SPATS2: variants seen among roughly 807,000 people sequenced by gnomAD.
SPATS2 encodes spermatogenesis-associated serine-rich protein 2.
SPATS2 carries 38 observed loss-of-function variants against 63.7 expected under a neutral mutation model. The ratio of observed to expected loss-of-function variants is 0.60; its 90% CI spans 0.46 to 0.78. The LOEUF (loss-of-function observed/expected upper bound fraction) is 0.78, where lower values mean the gene tolerates loss of function less well. Ranked by LOEUF, SPATS2 falls within the 30% of genes least tolerant of loss-of-function variation. The pLI, the probability that SPATS2 is intolerant of heterozygous loss-of-function variation, is 0.00. For missense variants in SPATS2, 588 were observed against 666.2 expected, an observed-to-expected ratio of 0.88 and a Z score of 1.29; for synonymous variants, 207 against 232.9, an observed-to-expected ratio of 0.89 and a Z score of 1.01.
rs191311034 is a variant in SPATS2 at position 49,449,239 on chromosome 12, A to G, written c.-243-11531A>G. Among the ~76,000 whole-genome samples the G allele has an allele frequency of 4.7e-4, 72 of 152,236 alleles. No homozygotes were observed. In the South Asian group the frequency reaches 0.012, roughly 26 times the overall value. ...TGTTTGTTTGTTTGTTTTCTGAGGC[A>G]GAGTCTCGCTCTGTCGCCCAAGCTG... is the stretch of plus-strand genomic sequence containing the variant. On this transcript the variant is annotated intron_variant, in intron 2 of 13. Transcript: ENST00000552918.
intron 2 of SPATS2, among the ~76,000 whole-genome samples, chr12:49,424,265 T>C (rs954101523): frequency 5.3e-5 from 8 of 152,154 alleles, no homozygotes; most frequent in African/African-American, 1.7e-4. Flanking sequence ...ACTTCAGTGA[T>C]ACTCAGACCT....
chr12:49,420,348 A>G (rs1006432991), intron 2 of SPATS2, among the ~76,000 whole-genome samples: 20 of 152,126 alleles, frequency 1.3e-4, no homozygotes, highest in African/African-American at 4.8e-4. Flanking sequence ...AATCCCAGCA[A>G]TTTGGGAGGC....
chr12:49,457,701 G>A (rs561675641), intron 2 of SPATS2, among the ~76,000 whole-genome samples: 59 of 152,286 alleles, frequency 3.9e-4, no homozygotes, highest in Non-Finnish European at 7.1e-4. Flanking sequence ...CCAAAGTGCT[G>A]GGATTACAGG....
In SPATS2 at chr12:49,522,809, G is replaced by A. The variant is rs1192219316; in HGVS notation, c.1067G>A (p.Cys356Tyr). 1.9e-6 allele frequency: 3 copies of A among 1,613,708 alleles called. No homozygotes were observed. In the African/African-American group the frequency reaches 4.0e-5, roughly 22 times the overall value. The change falls in exon 12 of 14, where the codon TGT becomes TAT. Residue 356 changes from cysteine (C) to tyrosine (Y), a missense_variant. Physicochemically the swap from Cys to Tyr is radical, Grantham distance 194. Coordinates refer to ENST00000552918, the MANE Select transcript of SPATS2 (RefSeq NM_023071.4). ...CTGGGACGAGTAGCCCGGTTCACCT[G>A]TGATGTAGAGACCCTAAAGAAGAGC... ...EDLGRVARFTCDVETLKKSID... is the reference protein window; with the variant it reads ...EDLGRVARFTYDVETLKKSID...
intron 3 of SPATS2, among the ~76,000 whole-genome samples, chr12:49,483,614 A>G (rs894784213): frequency 1.3e-5 from 2 of 152,242 alleles, no homozygotes; most frequent in Non-Finnish European, 2.9e-5. Flanking sequence ...TTTAATTGAA[A>G]CATATCTGTA....
At chr12:49,439,820 C>G (rs1387250236) in intron 2 of SPATS2, among the ~76,000 whole-genome samples, 1 of 152,208 alleles carries the variant, frequency 6.6e-6, no homozygotes, top group East Asian at 1.9e-4. Context: ...CACCTGGCGT[C>G]TTTGCCCTTT....
At chr12:49,516,478 C>T (rs1028847616) in intron 10 of SPATS2, among the ~76,000 whole-genome samples, 14 of 151,600 alleles carry the variant, frequency 9.2e-5, no homozygotes, top group African/African-American at 2.9e-4. Flanking sequence ...GAGGCCGAGG[C>T]GGGCTGATCA....
intron 4 of SPATS2, among the ~76,000 whole-genome samples, chr12:49,486,082 T>C (rs1342968036): frequency 1.3e-5 from 2 of 151,948 alleles, no homozygotes; most frequent in African/African-American, 2.4e-5. Flanking sequence ...TAAAAAAAAA[T>C]TGTTGACTAT....
At chr12:49,481,437 C>T (rs1946203397) in intron 3 of SPATS2, among the ~76,000 whole-genome samples, 1 of 149,268 alleles carries the variant, frequency 6.7e-6, no homozygotes, top group East Asian at 2.0e-4. Flanking sequence ...TAAGAAAGCT[C>T]AACAAGCTCA....
At chr12:49,487,102 T>C (rs1202340793) in intron 4 of SPATS2, among the ~76,000 whole-genome samples, 4 of 152,220 alleles carry the variant, frequency 2.6e-5, no homozygotes, top group Non-Finnish European at 5.9e-5. Context: ...ATGTTACTAA[T>C]GATAAAACCA....
intron 2 of SPATS2, among the ~76,000 whole-genome samples, chr12:49,430,096 C>CTTTT (rs1945156258): frequency 7.5e-5 from 8 of 107,382 alleles, no homozygotes; most frequent in African/African-American, 3.1e-4. Flanking sequence ...TTTCATATTT[C>CTTTT]TTGTTTTTTT....
At chr12:49,383,798 CAG>C (rs772339614) in intron 2 of SPATS2, among the ~76,000 whole-genome samples, 1 of 152,156 alleles carries the variant, frequency 6.6e-6, no homozygotes, top group African/African-American at 2.4e-5. Context: ...GTGTTTCTAA[CAG>C]TGTTTTAATG....
At chr12:49,381,334 T>G (rs933155487) in intron 2 of SPATS2, among the ~76,000 whole-genome samples, 1 of 152,192 alleles carries the variant, frequency 6.6e-6, no homozygotes, top group Non-Finnish European at 1.5e-5. Flanking sequence ...GCTAATACTA[T>G]AGTTGTAATT....
intron 2 of SPATS2, among the ~76,000 whole-genome samples, chr12:49,411,121 T>TA (rs1944790328): frequency 6.6e-6 from 1 of 152,220 alleles, no homozygotes; most frequent in Non-Finnish European, 1.5e-5. Context: ...CCCATACTGA[T>TA]ATTTAAAATC....
At chr12:49,398,321 A>G (rs1269379529) in intron 2 of SPATS2, among the ~76,000 whole-genome samples, 1 of 152,050 alleles carries the variant, frequency 6.6e-6, no homozygotes, top group Non-Finnish European at 1.5e-5. Context: ...AAACAGGAGA[A>G]TGACACGAAC....
At chr12:49,442,786 TAAAAAAAAAAAAAAAAAAAAAAA>T (rs71439499) in intron 2 of SPATS2, 2 of 27,122 alleles carry the variant, frequency 7.4e-5, no homozygotes, top group Admixed American at 4.6e-4. Context: ...CATGTCTCCT[TAAAAAAAAAAAAAAAAAAAAAAA>T]AAAAAAAAAA....
At chr12:49,381,589 G>A (rs1944223816) in intron 2 of SPATS2, among the ~76,000 whole-genome samples, 2 of 152,190 alleles carry the variant, frequency 1.3e-5, no homozygotes. Flanking sequence ...AATGGCAATA[G>A]TGCCTCTAGT....
Position 49,390,096 on chromosome 12 carries a change from A to T in SPATS2, c.-244+18806A>T, listed in dbSNP as rs1944394128. ...AATCACTTTTGAACCTAAGGAAAGAAGATGTGTCGGAAAGTACTTCTTTGT... is the reference window on the plus strand; with the variant it reads ...AATCACTTTTGAACCTAAGGAAAGATGATGTGTCGGAAAGTACTTCTTTGT... On this transcript the variant is annotated intron_variant, in intron 2 of 13. Transcript: ENST00000552918. 9.3e-6 allele frequency: 13 copies of T among 1,396,098 alleles called. No individual in the cohort carries two copies. The South Asian group carries it at 1.2e-4, about 12-fold the overall frequency. 86.5% of individuals were successfully genotyped at this position (1,396,098 alleles called of 1,614,324 possible).
intron 9 of SPATS2, among the ~76,000 whole-genome samples, chr12:49,504,770 CTTTTTTT>C (rs745453843): frequency 2.0e-5 from 2 of 98,860 alleles, no homozygotes; most frequent in Non-Finnish European, 4.1e-5. Context: ...TTCTTTCTTT[CTTTTTTT>C]TTTTTTTTTT....
Sources: gnomAD v4.1 joint callset for allele counts (sites outside exome capture counted in the v4.1 genomes callset) on GRCh38, gnomAD v4.1.1 for gene constraint, MANE v1.5 for transcripts, NCBI Gene and HGNC (gene_info 2026-07-23, HGNC 2026-07-21) for gene names.